DCC: variants seen among roughly 807,000 people sequenced by gnomAD.
DCC encodes DCC netrin 1 receptor.
A neutral mutation model predicts 172.5 loss-of-function variants in DCC; 58 were observed. That is an observed-to-expected ratio of 0.34 (90% CI 0.27 to 0.42). The LOEUF is 0.42. DCC is among the 10% of genes least tolerant of loss of function. DCC has a pLI of 1.00. For synonymous variants in DCC, 709 were observed against 644.5 expected (o/e 1.10, Z -1.52); for missense variants, 1,740 against 1,791.0 (o/e 0.97, Z 0.51).
At chr18:53,515,854 C>A (rs1161163037) in intron 27 of DCC, among the ~76,000 whole-genome samples, 3 of 151,804 alleles carry the variant, frequency 2.0e-5, no homozygotes, top group East Asian at 3.8e-4. Flanking sequence ...GAATCAATAT[C>A]GTCAAAATGG....
At chr18:52,876,708 G>C (rs1350198253) in intron 2 of DCC, among the ~76,000 whole-genome samples, 4 of 152,164 alleles carry the variant, frequency 2.6e-5, no homozygotes, top group African/African-American at 9.7e-5. Flanking sequence ...TGCAGATTCT[G>C]ACTGAGTAGT....
At chr18:52,953,906 G>A (rs1053763203) in intron 5 of DCC, among the ~76,000 whole-genome samples, 6 of 152,208 alleles carry the variant, frequency 3.9e-5, no homozygotes, top group African/African-American at 9.7e-5. Context: ...AAAAGCAATC[G>A]GAGTTTCATG....
intron 1 of DCC, among the ~76,000 whole-genome samples, chr18:52,485,947 C>T (rs1568192614): frequency 6.6e-6 from 1 of 151,764 alleles, no homozygotes; most frequent in African/African-American, 2.4e-5. Context: ...GAAAAGAAAA[C>T]AAAGACACTG....
At chr18:53,494,712 G>A (rs914026307) in intron 26 of DCC, among the ~76,000 whole-genome samples, 1 of 152,094 alleles carries the variant, frequency 6.6e-6, no homozygotes, top group South Asian at 2.1e-4. Context: ...GTGCCTGCAC[G>A]TGAGATGGGT....
intron 2 of DCC, among the ~76,000 whole-genome samples, chr18:52,762,063 T>A (rs1442571637): frequency 6.6e-6 from 1 of 152,148 alleles, no homozygotes; most frequent in Non-Finnish European, 1.5e-5. Flanking sequence ...TTGGGCCAGA[T>A]GGAGCTATGG....
intron 5 of DCC, among the ~76,000 whole-genome samples, chr18:53,051,449 A>G (rs912033285): frequency 4.6e-5 from 7 of 151,948 alleles, no homozygotes; most frequent in Non-Finnish European, 8.8e-5. Flanking sequence ...GTTTACTTTT[A>G]TTTCTATATA....
At chr18:52,758,517 C>T (rs762037844) in intron 2 of DCC, among the ~76,000 whole-genome samples, 1 of 151,986 alleles carries the variant, frequency 6.6e-6, no homozygotes, top group Non-Finnish European at 1.5e-5. Flanking sequence ...TAATTAATTA[C>T]TTGAGGAGTT....
chr18:53,408,143 T>C (rs938074449), intron 19 of DCC, among the ~76,000 whole-genome samples: 3 of 152,124 alleles, frequency 2.0e-5, no homozygotes, highest in African/African-American at 7.2e-5. Context: ...CAGTAATCAT[T>C]TGGGGTGTAG....
intron 28 of DCC, among the ~76,000 whole-genome samples, chr18:53,527,253 G>A (rs894469787): frequency 2.0e-5 from 3 of 150,790 alleles, no homozygotes; most frequent in African/African-American, 7.3e-5. Flanking sequence ...TGTTGCCCAG[G>A]CTAGAGGGTA....
Position 52,416,398 on chromosome 18 carries a change from G to A in DCC, c.91+75520G>A, listed in dbSNP as rs140981952. 8.1e-3 allele frequency among the ~76,000 whole-genome samples: 1,231 copies of A among 152,152 alleles called. 11 individuals are homozygous for A. Among genetic ancestry groups the A allele is most frequent in the African/African-American group, 0.028 (1,146 of 41,500 alleles). ...TAGATGTCTATTAGGTCCGCTTGGT[G>A]CAGAGCTGAGTTCAATTCCTGGGTG... is the stretch of plus-strand genomic sequence containing the variant. On this transcript the variant is annotated intron_variant, in intron 1 of 28. Coordinates refer to ENST00000442544, the MANE Select transcript of DCC (RefSeq NM_005215.4).
chr18:53,519,338 A>G (rs2046373805), intron 27 of DCC, among the ~76,000 whole-genome samples: 1 of 152,060 alleles, frequency 6.6e-6, no homozygotes, highest in African/African-American at 2.4e-5. Flanking sequence ...TGTATAGATC[A>G]CACACAGTTT....
chr18:52,994,562 A>G (rs1446649941), intron 5 of DCC, among the ~76,000 whole-genome samples: 1 of 152,144 alleles, frequency 6.6e-6, no homozygotes, highest in Non-Finnish European at 1.5e-5. Flanking sequence ...CCTTAGTGGC[A>G]ATTACTATTA....
intron 1 of DCC, among the ~76,000 whole-genome samples, chr18:52,695,593 T>C (rs529474679): frequency 6.6e-6 from 1 of 152,324 alleles, no homozygotes; most frequent in South Asian, 2.1e-4. Flanking sequence ...ACTGGGAGTT[T>C]TTTTCCAGCT....
intron 1 of DCC, among the ~76,000 whole-genome samples, chr18:52,419,885 A>T (rs1374342845): frequency 6.6e-6 from 1 of 152,178 alleles, no homozygotes; most frequent in African/African-American, 2.4e-5. Flanking sequence ...TCAGAGTTTT[A>T]TATATAACAA....
chr18:52,385,398 C>A (rs1003855086), intron 1 of DCC, among the ~76,000 whole-genome samples: 2 of 151,760 alleles, frequency 1.3e-5, no homozygotes, highest in African/African-American at 2.4e-5. Flanking sequence ...GCCTCAGTCT[C>A]CCATGTAGCT....
At chr18:53,328,544 C>T (rs1023221467) in intron 14 of DCC, among the ~76,000 whole-genome samples, 1 of 151,942 alleles carries the variant, frequency 6.6e-6, no homozygotes, top group Admixed American at 6.6e-5. Flanking sequence ...GTTGTTGCTG[C>T]TGCTGTTTTA....
At chr18:53,006,073 T>A (rs1436654422) in intron 5 of DCC, among the ~76,000 whole-genome samples, 2 of 152,232 alleles carry the variant, frequency 1.3e-5, no homozygotes, top group South Asian at 2.1e-4. Flanking sequence ...TATTTTAGCA[T>A]TTTTGCAGTC....
At chr18:53,473,265 C>T (rs1200788121) in intron 25 of DCC, among the ~76,000 whole-genome samples, 1 of 152,212 alleles carries the variant, frequency 6.6e-6, no homozygotes, top group East Asian at 1.9e-4. Flanking sequence ...TGAATTACTT[C>T]ATGATAAGGA....
At chr18:52,907,790 C>T (rs1032168773) in intron 3 of DCC, among the ~76,000 whole-genome samples, 13 of 152,042 alleles carry the variant, frequency 8.6e-5, no homozygotes, top group African/African-American at 2.7e-4. Flanking sequence ...ACTAGGAATC[C>T]GGCAGTGGCA....
Sources: allele counts gnomAD v4.1 joint callset (sites outside exome capture counted in the v4.1 genomes callset), GRCh38; gene constraint gnomAD v4.1.1; transcripts MANE v1.5; gene names NCBI Gene and HGNC (gene_info 2026-07-23, HGNC 2026-07-21).